The following GALNTL6 variants were observed in gnomAD, a reference collection of about 807,000 sequenced individuals.
GALNTL6 encodes polypeptide N-acetylgalactosaminyltransferase like 6.
In GALNTL6, 46 loss-of-function variants were observed where a neutral mutation model predicts 73.7. The observed-to-expected ratio is 0.62, with a 90% CI of 0.49 to 0.80. The LOEUF (loss-of-function observed/expected upper bound fraction) is 0.80, where lower values mean the gene tolerates loss of function less well. Among genes scored for constraint, GALNTL6 ranks in the 30% least tolerant of loss-of-function variants. The pLI, the probability that GALNTL6 is intolerant of heterozygous loss-of-function variation, is 0.00. For synonymous variants in GALNTL6, 259 were observed against 263.7 expected (o/e 0.98, Z 0.17); for missense variants, 604 against 755.0 (o/e 0.80, Z 2.34).
chr4:172,573,344 A>G (rs1341593511), intron 5 of GALNTL6, among the ~76,000 whole-genome samples: 2 of 152,174 alleles, frequency 1.3e-5, no homozygotes, highest in Non-Finnish European at 2.9e-5. Flanking sequence ...AAGAAATTTT[A>G]TAAAGGTCAT....
At chr4:172,085,373 G>A (rs1479160285) in intron 2 of GALNTL6, among the ~76,000 whole-genome samples, 1 of 151,958 alleles carries the variant, frequency 6.6e-6, no homozygotes, top group Non-Finnish European at 1.5e-5. Flanking sequence ...GGAATCATAC[G>A]TTTCCATTAT....
intron 5 of GALNTL6, among the ~76,000 whole-genome samples, chr4:172,365,279 T>G (rs1742516111): frequency 6.6e-6 from 1 of 152,044 alleles, no homozygotes; most frequent in Non-Finnish European, 1.5e-5. Context: ...CTCTCCCTGG[T>G]CAGAGGGGAG....
intron 5 of GALNTL6, among the ~76,000 whole-genome samples, chr4:172,596,697 AT>A (rs1163827735): frequency 6.6e-6 from 1 of 152,174 alleles, no homozygotes; most frequent in African/African-American, 2.4e-5. Context: ...AAACACTTCA[AT>A]TTTAAAATTG....
intron 2 of GALNTL6, among the ~76,000 whole-genome samples, chr4:171,873,076 G>T (rs1736182780): frequency 6.6e-6 from 1 of 152,094 alleles, no homozygotes; most frequent in Non-Finnish European, 1.5e-5. Flanking sequence ...TGCGCTCAAG[G>T]CCAGCATTTA....
At chr4:172,658,022 C>T (rs1321451245) in intron 5 of GALNTL6, among the ~76,000 whole-genome samples, 7 of 143,896 alleles carry the variant, frequency 4.9e-5, no homozygotes, top group Non-Finnish European at 1.1e-4. Flanking sequence ...TAGTGGCGGG[C>T]GCCTGTAGTC....
At chr4:172,761,068 A>C (rs907105688) in intron 5 of GALNTL6, among the ~76,000 whole-genome samples, 1 of 152,196 alleles carries the variant, frequency 6.6e-6, no homozygotes, top group South Asian at 2.1e-4. Context: ...CTAGGGAGAG[A>C]ATAAATGGGG....
intron 10 of GALNTL6, among the ~76,000 whole-genome samples, chr4:172,985,874 G>C (rs1221379621): frequency 6.6e-6 from 1 of 152,216 alleles, no homozygotes; most frequent in Non-Finnish European, 1.5e-5. Context: ...TTGGGAGTTT[G>C]AATTCTTGTG....
chr4:172,570,749 T>C (rs1343190507), intron 5 of GALNTL6, among the ~76,000 whole-genome samples: 4 of 152,156 alleles, frequency 2.6e-5, no homozygotes, highest in Non-Finnish European at 2.9e-5. Context: ...ATTTCTATTA[T>C]TATTATATTG....
At chr4:172,392,077 C>A (rs1030783406) in intron 5 of GALNTL6, among the ~76,000 whole-genome samples, 12 of 152,118 alleles carry the variant, frequency 7.9e-5, no homozygotes, top group Non-Finnish European at 1.3e-4. Context: ...CAACCTCTGC[C>A]TCCTGGGTTC....
intron 5 of GALNTL6, among the ~76,000 whole-genome samples, chr4:172,362,141 C>A (rs1438519330): frequency 6.6e-6 from 1 of 151,996 alleles, no homozygotes; most frequent in African/African-American, 2.4e-5. Context: ...CGAATATGTG[C>A]AACACATTGG....
chr4:172,823,754 A>C (rs1742070815), intron 7 of GALNTL6, among the ~76,000 whole-genome samples: 1 of 152,234 alleles, frequency 6.6e-6, no homozygotes, highest in South Asian at 2.1e-4. Flanking sequence ...AAGATGATAA[A>C]TAAATCTTTT....
At chr4:172,538,754 A>G (rs1735442319) in intron 5 of GALNTL6, among the ~76,000 whole-genome samples, 1 of 152,214 alleles carries the variant, frequency 6.6e-6, no homozygotes, top group Admixed American at 6.5e-5. Context: ...GAATGGGACT[A>G]AAAATAAAGG....
chr4:172,391,739 A>G (rs1178463037), intron 5 of GALNTL6, among the ~76,000 whole-genome samples: 1 of 152,100 alleles, frequency 6.6e-6, no homozygotes, highest in Non-Finnish European at 1.5e-5. Context: ...TAAACAACTG[A>G]TCTCTTACTA....
At chr4:172,180,107 G>T (rs1014176360) in intron 2 of GALNTL6, among the ~76,000 whole-genome samples, 1 of 152,206 alleles carries the variant, frequency 6.6e-6, no homozygotes, top group Admixed American at 6.5e-5. Context: ...TCCAGCATCT[G>T]TTGTTTCCTG....
intron 5 of GALNTL6, among the ~76,000 whole-genome samples, chr4:172,433,650 C>T (rs1214632800): frequency 6.6e-6 from 1 of 152,092 alleles, no homozygotes; most frequent in African/African-American, 2.4e-5. Context: ...TCCTCCCCAT[C>T]TACTCTTCAT....
At chr4:172,011,659 T>A (rs10031938) in intron 2 of GALNTL6, among the ~76,000 whole-genome samples, 142,268 of 152,006 alleles carry the variant, frequency 0.94, 66,869 homozygotes, top group East Asian at 1. Flanking sequence ...ATTTTTCCCT[T>A]AAACCTCTAG....
chr4:172,349,128 G>T (rs1741854037), intron 5 of GALNTL6, among the ~76,000 whole-genome samples: 1 of 152,046 alleles, frequency 6.6e-6, no homozygotes, highest in Non-Finnish European at 1.5e-5. Context: ...ATAAATATTA[G>T]AAACTATAAG....
intron 2 of GALNTL6, among the ~76,000 whole-genome samples, chr4:172,069,555 G>GTGTTATATATA (rs1560909585): frequency 1.6e-5 from 1 of 60,914 alleles, no homozygotes; most frequent in Non-Finnish European, 3.3e-5. Flanking sequence ...ACACATATAT[G>GTGTTATATATA]TTATATATAA....
chr4:172,238,864 A>C (rs1307358708), intron 3 of GALNTL6, among the ~76,000 whole-genome samples: 3 of 152,148 alleles, frequency 2.0e-5, no homozygotes, highest in East Asian at 1.9e-4. Context: ...ATGGTTATAT[A>C]GTTTTTATTT....
Sources: gnomAD v4.1 joint callset for allele counts (sites outside exome capture counted in the v4.1 genomes callset) on GRCh38, gnomAD v4.1.1 for gene constraint, MANE v1.5 for transcripts, NCBI Gene and HGNC (gene_info 2026-07-23, HGNC 2026-07-21) for gene names.